The following ZFYVE21 variants were observed in gnomAD, a reference collection of about 807,000 sequenced individuals.
ZFYVE21 encodes zinc finger FYVE domain-containing protein 21.
A neutral mutation model predicts 29.5 loss-of-function variants in ZFYVE21; 21 were observed. The ratio of observed to expected loss-of-function variants is 0.71; its 90% CI spans 0.50 to 1.02. ZFYVE21 has a LOEUF of 1.02. Among genes scored for constraint, ZFYVE21 ranks in the 50% least tolerant of loss-of-function variants. The probability of loss-of-function intolerance (pLI) is 0.00; values close to 1 mark genes in which losing one functional copy is unlikely to be tolerated. For synonymous variants in ZFYVE21, 151 were observed against 133.8 expected, an observed-to-expected ratio of 1.13 and a Z score of -0.89; for missense variants, 326 against 335.4, an observed-to-expected ratio of 0.97 and a Z score of 0.22.
At chr14:103,729,821 C>G (rs1008020444) in intron 5 of ZFYVE21, 2 of 1,536,122 alleles carry the variant, frequency 1.3e-6, no homozygotes, top group African/African-American at 2.7e-5. Context: ...ACACCAGCCT[C>G]CGGGGGAGCC....
intron 5 of ZFYVE21, chr14:103,730,955 A>C (rs2083968004): frequency 6.6e-6 from 1 of 152,380 alleles, no homozygotes; most frequent in Admixed American, 6.5e-5. Flanking sequence ...CTGACAGGCA[A>C]GGTTCCCCAG....
In ZFYVE21 at chr14:103,726,951, T is replaced by TTTTTTTTTG. The variant is rs1229665653; in HGVS notation, c.189+117_189+118insGTTTTTTTT. The TTTTTTTTTG allele has an allele frequency of 2.0e-4, 240 of 1,179,250 alleles. 6 individuals are homozygous for TTTTTTTTTG. Among genetic ancestry groups the TTTTTTTTTG allele is most frequent in the East Asian group, 3.4e-4 (14 of 41,108 alleles). The allele number at this position is 1,179,250 out of a possible 1,614,324, so 73.0% of individuals were successfully genotyped here. ...GACGGATGTCATCTTATGGCTCGTT[T>TTTTTTTTTG]TTTTTTTTTTTGAGACGGAGTTTCG... On this transcript the variant is annotated intron_variant, in intron 2 of 6. Coordinates refer to ENST00000311141, the MANE Select transcript of ZFYVE21 (RefSeq NM_024071.4).
chr14:103,732,556 G>T, intron 5 of ZFYVE21, 64 bp from the exon 6 acceptor site: 1 of 1,505,354 alleles, frequency 6.6e-7, no homozygotes, highest in Non-Finnish European at 8.9e-7. Context: ...CCGCCTTGGG[G>T]CTGGTGGCCG....
At position 103,716,138 on chromosome 14, in the gene ZFYVE21, G is replaced by A. The variant is rs916724280; in HGVS notation, c.138+159G>A. On this transcript the variant is annotated intron_variant, in intron 1 of 6. Coordinates refer to ENST00000311141, the MANE Select transcript of ZFYVE21 (RefSeq NM_024071.4). The surrounding 1 kb of genome is among the most constrained non-coding windows in gnomAD (Gnocchi z 4.8). The stretch of plus-strand genomic sequence containing the variant: ...TCTCTCCCAGGTTGGCCGCGTCCCC[G>A]GGCCGCCGCCTCAGGCTCCTACGCC... 1.3e-5 allele frequency among the ~76,000 whole-genome samples: 2 copies of A among 151,616 alleles called. No homozygotes were observed. Among genetic ancestry groups the A allele is most frequent in the East Asian group, 1.9e-4 (1 of 5,134 alleles).
At chr14:103,723,305 C>T (rs1390304931) in intron 1 of ZFYVE21, among the ~76,000 whole-genome samples, 1 of 152,232 alleles carries the variant, frequency 6.6e-6, no homozygotes, top group Non-Finnish European at 1.5e-5. Flanking sequence ...CATTCCAGAA[C>T]CGACAGGCCC....
chr14:103,723,347 C>A (rs1197407045), intron 1 of ZFYVE21, among the ~76,000 whole-genome samples: 1 of 152,332 alleles, frequency 6.6e-6, no homozygotes, highest in South Asian at 2.1e-4. Flanking sequence ...TGGGCTGAAG[C>A]ACAATCAGGG....
Position 103,715,861 on chromosome 14 carries a change from C to T in ZFYVE21, c.20C>T (p.Ala7Val). 2.1e-6 allele frequency: 3 copies of T among 1,424,706 alleles called. No homozygotes were observed. The highest frequency in any genetic ancestry group is 1.8e-6 in the Non-Finnish European group (2 of 1,084,500). The allele number at this position is 1,424,706 out of a possible 1,614,324, so 88.3% of individuals were successfully genotyped here. A position where few individuals can be genotyped will look rare whatever the true frequency, so the allele number is the denominator to read the frequency against. The change falls in exon 1 of 7, where the codon GCG becomes GTG. Residue 7 changes from alanine (A) to valine (V), a missense_variant. Physicochemically the swap from Ala to Val is moderately conservative, Grantham distance 64. Coordinates refer to ENST00000311141, the MANE Select transcript of ZFYVE21 (RefSeq NM_024071.4). Reference protein sequence around the residue: MSSEVSARRDAKKLVRS... With the variant: MSSEVSVRRDAKKLVRS... Reference sequence around the variant, plus strand: ...GGCGTCATGTCCTCCGAGGTGTCCGCGCGCCGCGACGCCAAGAAGCTGGTG... The same window carrying T: ...GGCGTCATGTCCTCCGAGGTGTCCGTGCGCCGCGACGCCAAGAAGCTGGTG...
intron 5 of ZFYVE21, chr14:103,729,924 C>T (rs769020978): frequency 4.5e-5 from 67 of 1,477,424 alleles, no homozygotes; most frequent in Admixed American, 3.2e-4. Context: ...CTTCTGTCCA[C>T]GGGGTGGTCC....
At chr14:103,727,453 C>G (rs1171278119) in intron 2 of ZFYVE21, 1 of 552,656 alleles carries the variant, frequency 1.8e-6, no homozygotes, top group African/African-American at 1.9e-5. Context: ...CTCATGGCGC[C>G]CCGAGGCGCG....
At position 103,728,966 on chromosome 14, in the gene ZFYVE21, T is replaced by C. The variant is rs373274568; in HGVS notation, c.417T>C (p.Arg139=). The C allele has an allele frequency of 4.0e-5, 64 of 1,613,906 alleles. No individual in the cohort carries two copies. The African/African-American group carries it at 6.1e-4, about 15-fold the overall frequency. Residue 139 remains arginine, a synonymous_variant, in exon 4 of 7, where the codon CGT becomes CGC. Coordinates refer to ENST00000311141, the MANE Select transcript of ZFYVE21 (RefSeq NM_024071.4). ...NSEKPETMTC[R]LSNNQRYLFL... ...AGAAACCTGAAACTATGACTTGTCGTCTTTCCAATAACCAGAGGTAAGAGC... is the reference window on the plus strand; with the variant it reads ...AGAAACCTGAAACTATGACTTGTCGCCTTTCCAATAACCAGAGGTAAGAGC...
rs530620998 is a variant in ZFYVE21, at chr14:103,723,435, C to T, written c.139-3357C>T. Among the ~76,000 whole-genome samples, 64 of 152,362 alleles carry T rather than the reference C, an allele frequency of 4.2e-4. 1 individual carries two copies. Among genetic ancestry groups the T allele is most frequent in the African/African-American group, 1.5e-3 (62 of 41,582 alleles). Reference sequence around the variant, plus strand: ...AGCTGCCAGCTGGACTTTTTAGATGCTTCCAGAAGGCTGGGGTGGGCCAGG... The same window carrying T: ...AGCTGCCAGCTGGACTTTTTAGATGTTTCCAGAAGGCTGGGGTGGGCCAGG... On this transcript the variant is annotated intron_variant, in intron 1 of 6. Transcript: ENST00000311141.
rs759820189 is a variant in ZFYVE21, at chr14:103,733,305, A to G, written c.*287A>G. 8 of 385,772 alleles carry G rather than the reference A, an allele frequency of 2.1e-5. No homozygotes were observed. The highest frequency in any genetic ancestry group is 1.2e-4 in the Admixed American group (3 of 24,316). 23.9% of individuals were successfully genotyped at this position (385,772 alleles called of 1,614,324 possible). A position where few individuals can be genotyped will look rare whatever the true frequency, so the allele number is the denominator to read the frequency against. On this transcript the variant is annotated 3_prime_UTR_variant, in exon 7 of 7. Transcript: ENST00000311141. Reference sequence around the variant, plus strand: ...ACTGCTAAACTATTTTTAGCATAATATATACCATTTTTATGAGTTCGCAGG... The same window carrying G: ...ACTGCTAAACTATTTTTAGCATAATGTATACCATTTTTATGAGTTCGCAGG...
chr14:103,732,711 CGTGACTGTGG>C lies in ZFYVE21; in HGVS notation c.620_629del (p.Val207AlafsTer9). On this transcript the variant is annotated frameshift_variant, in exon 6 of 7. Transcript: ENST00000311141. LOFTEE classifies it high-confidence loss of function. ...AGCTGAAGCTGACAGTGGTGGAGGA[CGTGACTGTGG>C]GCAGGAGGCAGGCGGTGGCGTGGCT... 6.2e-7 allele frequency: 1 copy of C among 1,613,724 alleles called. No individual in the cohort carries two copies. The highest frequency in any genetic ancestry group is 8.5e-7 in the Non-Finnish European group (1 of 1,179,862).
chr14:103,725,909 GCCACCTGC>G, intron 1 of ZFYVE21: 1 of 152,334 alleles, frequency 6.6e-6, no homozygotes, highest in Non-Finnish European at 1.5e-5. Flanking sequence ...GAGCCCCATG[GCCACCTGC>G]CCAGTTCCCA....
At chr14:103,730,132 C>T in intron 5 of ZFYVE21, 2 of 418,530 alleles carry the variant, frequency 4.8e-6, no homozygotes, top group South Asian at 3.8e-5. Flanking sequence ...CAGGCTGAGG[C>T]CAGGGGGCGT....
intron 1 of ZFYVE21, among the ~76,000 whole-genome samples, chr14:103,722,677 G>A (rs2083883142): frequency 6.6e-6 from 1 of 152,146 alleles, no homozygotes; most frequent in South Asian, 2.1e-4. Context: ...AAATTAGCTG[G>A]GCGTGGTGGC....
In ZFYVE21 at chr14:103,727,718, C is replaced by G. The variant is rs954114439; in HGVS notation, c.190-28C>G. On this transcript the variant is annotated intron_variant, in intron 2 of 6. Transcript: ENST00000311141. ...GGGCCGCTTGTTCCCTGCCCCTCCT[C>G]ACTGCCAATCCTCCCGCATCTGCCC... The G allele has an allele frequency of 1.9e-6, 3 of 1,597,310 alleles. No homozygotes were observed. In the African/African-American group the frequency reaches 4.0e-5, roughly 21 times the overall value.
At chr14:103,722,435 G>T (rs1469744312) in intron 1 of ZFYVE21, among the ~76,000 whole-genome samples, 3 of 143,278 alleles carry the variant, frequency 2.1e-5, no homozygotes, top group Non-Finnish European at 4.5e-5. Flanking sequence ...GCTCACTGCA[G>T]CCTCGACCTC....
intron 3 of ZFYVE21, 29 bp from the exon 4 acceptor site, chr14:103,728,879 G>T (rs1567071482): frequency 1.9e-6 from 3 of 1,612,678 alleles, no homozygotes; most frequent in Middle Eastern, 1.6e-4. Context: ...AGCAGGCCCT[G>T]TTCTCACGTT....
Sources: allele counts gnomAD v4.1 joint callset (sites outside exome capture counted in the v4.1 genomes callset), GRCh38; gene constraint gnomAD v4.1.1; non-coding constraint Gnocchi (gnomAD v3.1); transcripts MANE v1.5; gene names NCBI Gene and HGNC (gene_info 2026-07-23, HGNC 2026-07-21).